The following STPG2 variants were observed in gnomAD, a reference collection of about 807,000 sequenced individuals.
STPG2 encodes the protein sperm-tail PG-rich repeat-containing protein 2.
Under a neutral mutation model 54.2 loss-of-function variants are expected in STPG2, and 56 were observed. The ratio of observed to expected loss-of-function variants is 1.03; its 90% CI spans 0.83 to 1.29. The LOEUF (loss-of-function observed/expected upper bound fraction) is 1.29. Among genes scored for constraint, STPG2 ranks in the 50% most tolerant of loss-of-function variants. The pLI is 0.00. For missense variants in STPG2, 596 were observed against 544.9 expected, an observed-to-expected ratio of 1.09 and a Z score of -0.93; for synonymous variants, 200 against 181.8, an observed-to-expected ratio of 1.10 and a Z score of -0.81.
intron 4 of STPG2, among the ~76,000 whole-genome samples, chr4:97,511,043 G>C (rs1730961112): frequency 1.3e-5 from 2 of 152,058 alleles, no homozygotes; most frequent in South Asian, 4.1e-4. Context: ...AGAGAAAAGG[G>C]AGGAGTGAAA....
chr4:97,820,655 A>C (rs904337000), intron 9 of STPG2, among the ~76,000 whole-genome samples: 6 of 152,252 alleles, frequency 3.9e-5, no homozygotes, highest in Non-Finnish European at 7.3e-5. Context: ...ATTGCTTAAC[A>C]GTTCTGCAAG....
At chr4:97,713,623 GT>G (rs1336878915) in intron 9 of STPG2, among the ~76,000 whole-genome samples, 4 of 152,184 alleles carry the variant, frequency 2.6e-5, no homozygotes, top group African/African-American at 9.7e-5. Flanking sequence ...TCAGGATAGC[GT>G]TCGAGCTCCT....
chr4:97,700,853 T>G (rs1018178549), intron 10 of STPG2, among the ~76,000 whole-genome samples: 2 of 152,214 alleles, frequency 1.3e-5, no homozygotes, highest in Non-Finnish European at 2.9e-5. Flanking sequence ...AATGGCTGCA[T>G]AGCAAGTACC....
chr4:97,453,848 C>T (rs1395078519), intron 4 of STPG2, among the ~76,000 whole-genome samples: 1 of 152,096 alleles, frequency 6.6e-6, no homozygotes, highest in Non-Finnish European at 1.5e-5. Context: ...TTGTTTCAGA[C>T]ATAGAAATCA....
chr4:97,583,970 T>A (rs908512100), intron 10 of STPG2, among the ~76,000 whole-genome samples: 1 of 151,706 alleles, frequency 6.6e-6, no homozygotes, highest in African/African-American at 2.4e-5. Flanking sequence ...ATATACAGGT[T>A]ATCAAGATAG....
intron 4 of STPG2, among the ~76,000 whole-genome samples, chr4:97,530,900 T>A (rs552455391): frequency 6.6e-6 from 1 of 152,278 alleles, no homozygotes; most frequent in South Asian, 2.1e-4. Context: ...ACTTAGCCAG[T>A]GCTCATACAT....
intron 10 of STPG2, among the ~76,000 whole-genome samples, chr4:97,581,967 C>T (rs764011812): frequency 5.3e-5 from 8 of 151,814 alleles, no homozygotes; most frequent in Non-Finnish European, 1.0e-4. Flanking sequence ...AAAATTATTC[C>T]ACTTATTCTG....
chr4:97,859,058 T>A (rs1322179283), intron 8 of STPG2, among the ~76,000 whole-genome samples: 3 of 152,178 alleles, frequency 2.0e-5, no homozygotes, highest in African/African-American at 7.2e-5. Context: ...TGCTAACATC[T>A]ACTTTTAAAT....
intron 9 of STPG2, among the ~76,000 whole-genome samples, chr4:97,764,418 T>C (rs1000068608): frequency 3.3e-5 from 5 of 152,162 alleles, no homozygotes; most frequent in Non-Finnish European, 7.3e-5. Context: ...TCGTGCACTA[T>C]TGTATTTGAT....
At chr4:97,512,529 T>A (rs957465676) in intron 4 of STPG2, among the ~76,000 whole-genome samples, 2 of 151,510 alleles carry the variant, frequency 1.3e-5, no homozygotes, top group African/African-American at 4.9e-5. Flanking sequence ...GTGTTTGAAG[T>A]ATGTGAGTGT....
At chr4:98,088,771 T>G (rs13125277) in intron 5 of STPG2, among the ~76,000 whole-genome samples, 59,664 of 151,122 alleles carry the variant, frequency 0.39, 11,937 homozygotes, top group Middle Eastern at 0.46. Flanking sequence ...TATATTCATA[T>G]AATTCTTTTC....
chr4:97,753,347 T>A (rs992362779), intron 9 of STPG2, among the ~76,000 whole-genome samples: 1 of 152,050 alleles, frequency 6.6e-6, no homozygotes, highest in Non-Finnish European at 1.5e-5. Context: ...TCCTTCTGTG[T>A]CTGGCTTATT....
In STPG2 at chr4:98,143,450, G is replaced by C. The variant is rs1740363404; in HGVS notation, c.-300C>G. Among the ~76,000 whole-genome samples the C allele has an allele frequency of 6.6e-6, 1 of 152,180 alleles. No homozygotes were observed. The highest frequency in any genetic ancestry group is 2.4e-5 in the African/African-American group (1 of 41,450). The stretch of plus-strand genomic sequence containing the variant: ...CACCAAAATTGGGTATTAGGGATTA[G>C]ACGCTCGCCCCGGTGCTTCCGGCCC... On this transcript the variant is annotated 5_prime_UTR_variant, in exon 1 of 11. Coordinates refer to ENST00000295268, the MANE Select transcript of STPG2 (RefSeq NM_174952.3).
chr4:97,899,471 T>A (rs574248240), intron 8 of STPG2, among the ~76,000 whole-genome samples: 8 of 151,764 alleles, frequency 5.3e-5, no homozygotes, highest in South Asian at 4.2e-4. Context: ...AGAAAAAAAA[T>A]TTTAAAATTC....
At chr4:97,664,759 C>G (rs1722471182) in intron 10 of STPG2, among the ~76,000 whole-genome samples, 1 of 152,036 alleles carries the variant, frequency 6.6e-6, no homozygotes, top group Non-Finnish European at 1.5e-5. Flanking sequence ...TGATGCTTCA[C>G]CAGCCAGAAA....
chr4:97,913,177 TA>T (rs1731746766), intron 8 of STPG2, among the ~76,000 whole-genome samples: 1 of 152,268 alleles, frequency 6.6e-6, no homozygotes, highest in East Asian at 1.9e-4. Context: ...TGAAGGAGAA[TA>T]AATAAGCTGT....
chr4:97,811,169 G>T (rs1252821816), intron 9 of STPG2, among the ~76,000 whole-genome samples: 1 of 151,912 alleles, frequency 6.6e-6, no homozygotes, highest in Non-Finnish European at 1.5e-5. Context: ...CCCCAAAAAG[G>T]CTTAACAATT....
intron 9 of STPG2, among the ~76,000 whole-genome samples, chr4:97,722,658 T>C (rs897842666): frequency 1.1e-4 from 17 of 152,160 alleles, no homozygotes; most frequent in Non-Finnish European, 1.9e-4. Flanking sequence ...GTTGAATTTC[T>C]ATTGAAAATA....
chr4:97,598,017 T>TA (rs797000128), intron 10 of STPG2, among the ~76,000 whole-genome samples: 3,060 of 145,904 alleles, frequency 0.021, 30 homozygotes, highest in African/African-American at 0.028. Context: ...TGATCTGATT[T>TA]AAAAAAAAAA....
Sources: allele counts gnomAD v4.1 joint callset (sites outside exome capture counted in the v4.1 genomes callset), GRCh38; gene constraint gnomAD v4.1.1; transcripts MANE v1.5; gene names NCBI Gene and HGNC (gene_info 2026-07-23, HGNC 2026-07-21).